KIF4A: variants seen among roughly 807,000 people sequenced by gnomAD.
KIF4A encodes the protein kinesin family member 4A, also known as chromosome-associated kinesin KIF4A.
A neutral mutation model predicts 105.9 loss-of-function variants in KIF4A; 7 were observed. The observed-to-expected ratio is 0.07, with a 90% CI of 0.04 to 0.12. The LOEUF (loss-of-function observed/expected upper bound fraction) is 0.12, where lower values mean the gene tolerates loss of function less well. KIF4A is among the 10% of genes least tolerant of loss of function. The pLI is 1.00. For missense variants in KIF4A, 558 were observed against 929.2 expected (o/e 0.60, Z 5.19); for synonymous variants, 281 against 331.3 (o/e 0.85, Z 1.65).
intron 27 of KIF4A, 106 bp downstream of exon 27, chrX:70,406,460 G>A (rs2086300525): frequency 1.7e-6 from 1 of 584,781 alleles, no homozygotes; most frequent in South Asian, 3.0e-5. Context: ...CCAAATTCTA[G>A]CATCTCACTT....
chrX:70,387,159 A>T, intron 19 of KIF4A, 25 bp from the exon 20 acceptor site: 1 of 1,027,365 alleles, frequency 9.7e-7, no homozygotes, highest in African/African-American at 1.9e-5. Flanking sequence ...TTCATTCAAC[A>T]TTACTATGTG....
rs138872125 is a variant in KIF4A, at chrX:70,396,228, G to A, written c.2489+179G>A. ...ATACATTTTCTTATTCAATCCCTTT[G>A]ATGCCTTATGAGGTAAGTATCATTC... On this transcript the variant is annotated intron_variant, in intron 22 of 30. Transcript: ENST00000374403. 1.2e-3 allele frequency: 467 copies of A among 385,481 alleles called. 4 individuals are homozygous for A. Among genetic ancestry groups the A allele is most frequent in the African/African-American group, 0.011 (423 of 39,382 alleles). The allele number at this position is 385,481 out of a possible 1,213,427, so 31.8% of individuals were successfully genotyped here.
At chrX:70,419,260 C>T (rs1429686400) in intron 29 of KIF4A, among the ~76,000 whole-genome samples, 1 of 112,036 alleles carries the variant, frequency 8.9e-6, no homozygotes, top group African/African-American at 3.2e-5. Context: ...TGGCCCCTTC[C>T]TCCCTCCTCC....
At chrX:70,295,656 G>A (rs1051616664) in intron 3 of KIF4A, among the ~76,000 whole-genome samples, 1 of 109,280 alleles carries the variant, frequency 9.2e-6, no homozygotes, top group Admixed American at 9.7e-5. Context: ...GGTGGCTCAC[G>A]CCTGTAATAC....
intron 5 of KIF4A, among the ~76,000 whole-genome samples, chrX:70,300,855 T>G (rs2085802024): frequency 8.9e-6 from 1 of 112,154 alleles, no homozygotes; most frequent in African/African-American, 3.2e-5. Context: ...ATCTTCGTTA[T>G]CTAGCACAGG....
chrX:70,360,907 C>T (rs774066486), intron 15 of KIF4A, among the ~76,000 whole-genome samples: 1 of 112,871 alleles, frequency 8.9e-6, no homozygotes, highest in Non-Finnish European at 1.9e-5. Context: ...GAATGGAGGC[C>T]GAGTCCAGAA....
At chrX:70,344,651 G>A (rs1001122189) in intron 13 of KIF4A, among the ~76,000 whole-genome samples, 1 of 111,588 alleles carries the variant, frequency 9.0e-6, no homozygotes, top group Non-Finnish European at 1.9e-5. Flanking sequence ...AGTGGTAATG[G>A]TTGGTTTTGT....
chrX:70,299,844 A>G (rs2085798219), intron 5 of KIF4A, among the ~76,000 whole-genome samples: 1 of 112,331 alleles, frequency 8.9e-6, no homozygotes, highest in Admixed American at 9.4e-5. Flanking sequence ...CATAGGAAGA[A>G]GAGATAGCTT....
intron 9 of KIF4A, among the ~76,000 whole-genome samples, chrX:70,332,524 G>T (rs1169669593): frequency 9.0e-6 from 1 of 111,472 alleles, no homozygotes; most frequent in Non-Finnish European, 1.9e-5. Flanking sequence ...GGAAATGGAG[G>T]CAATTGGTGT....
intron 7 of KIF4A, among the ~76,000 whole-genome samples, chrX:70,311,134 AAAG>A (rs1045416820): frequency 9.1e-5 from 10 of 109,836 alleles, no homozygotes; most frequent in Admixed American, 1.9e-4. Flanking sequence ...TAAAAAAAAA[AAAG>A]AAGAAGAAGA....
chrX:70,381,162 C>CA lies in KIF4A; in HGVS notation c.2034+4960dup, dbSNP rs199954503. 7.3e-3 allele frequency among the ~76,000 whole-genome samples: 799 copies of CA among 109,408 alleles called. 7 individuals are homozygous for CA. The highest frequency in any genetic ancestry group is 0.025 in the African/African-American group (753 of 30,099). Reference sequence around the variant, plus strand: ...AGACTCTGTCTCAAAAACAAACAAACAAAAAAAACAAAAGGAAAAGAAAAG... The same window carrying CA: ...AGACTCTGTCTCAAAAACAAACAAACAAAAAAAAACAAAAGGAAAAGAAAAG... On this transcript the variant is annotated intron_variant, in intron 18 of 30. Coordinates refer to ENST00000374403, the MANE Select transcript of KIF4A (RefSeq NM_012310.5).
chrX:70,368,299 G>A (rs907124261), intron 15 of KIF4A, among the ~76,000 whole-genome samples: 4 of 112,231 alleles, frequency 3.6e-5, no homozygotes, highest in Middle Eastern at 4.2e-3. Flanking sequence ...GAGGAGCTGC[G>A]TTCCTTTGGA....
chrX:70,313,419 G>A (rs1447390253), intron 7 of KIF4A, among the ~76,000 whole-genome samples: 1 of 110,173 alleles, frequency 9.1e-6, no homozygotes, highest in Non-Finnish European at 1.9e-5. Context: ...TTATTAAACT[G>A]CTTAGGGATG....
intron 15 of KIF4A, among the ~76,000 whole-genome samples, chrX:70,373,777 C>CAT (rs1384130508): frequency 1.3e-5 from 1 of 79,979 alleles, no homozygotes; most frequent in Non-Finnish European, 2.4e-5. Flanking sequence ...TATATATACA[C>CAT]ATATATATAC....
intron 14 of KIF4A, 128 bp downstream of exon 14, chrX:70,352,784 A>G (rs904439326): frequency 2.3e-6 from 1 of 437,272 alleles, no homozygotes; most frequent in African/African-American, 2.5e-5. Flanking sequence ...AAATCCAGAA[A>G]TCTTTAGTGT....
chrX:70,390,720 C>G (rs1026524778), intron 20 of KIF4A, among the ~76,000 whole-genome samples: 4 of 111,661 alleles, frequency 3.6e-5, no homozygotes, highest in African/African-American at 1.3e-4. Context: ...CTACAACAAT[C>G]AAGATACAGA....
chrX:70,311,974 A>T (rs192215783), intron 7 of KIF4A, among the ~76,000 whole-genome samples: 1,421 of 107,497 alleles, frequency 0.013, 13 homozygotes, highest in African/African-American at 0.025. Context: ...AAGAAAAAAA[A>T]ATATATATAT....
At chrX:70,302,578 C>T (rs1199448) in intron 7 of KIF4A, among the ~76,000 whole-genome samples, 180 bp downstream of exon 7, 14,180 of 111,670 alleles carry the variant, frequency 0.13, 1,457 homozygotes, top group African/African-American at 0.34. Context: ...TTCTCTAATT[C>T]AGGTATGAGA....
intron 15 of KIF4A, among the ~76,000 whole-genome samples, chrX:70,372,542 C>T (rs2086143730): frequency 1.7e-5 from 2 of 114,306 alleles, no homozygotes; most frequent in South Asian, 6.8e-4. Context: ...ACTAGGCAGG[C>T]TGAGGCAGGA....
Sources: allele counts gnomAD v4.1 joint callset (sites outside exome capture counted in the v4.1 genomes callset), GRCh38; gene constraint gnomAD v4.1.1; transcripts MANE v1.5; gene names NCBI Gene and HGNC (gene_info 2026-07-23, HGNC 2026-07-21).